Variants in DNMT3A observed in about 807,000 individuals in gnomAD.
DNMT3A encodes the protein DNA (cytosine-5)-methyltransferase 3A.
Under a neutral mutation model 117.6 loss-of-function variants are expected in DNMT3A, and 267 were observed. That is an observed-to-expected ratio of 2.27 (90% CI 2.05 to 2.51). The LOEUF (loss-of-function observed/expected upper bound fraction) is 2.51, where lower values mean the gene tolerates loss of function less well. DNMT3A is among the 30% of genes most tolerant of loss of function. The pLI, the probability that DNMT3A is intolerant of heterozygous loss-of-function variation, is 0.00. For synonymous variants in DNMT3A, 432 were observed against 474.8 expected (o/e 0.91, Z 1.17); for missense variants, 1,029 against 1,260.2 (o/e 0.82, Z 2.78).
intron 9 of DNMT3A, 135 bp from the exon 10 acceptor site, chr2:25,246,911 T>A: frequency 6.7e-7 from 1 of 1,490,272 alleles, no homozygotes; most frequent in Non-Finnish European, 9.1e-7. Context: ...GAGCGGGATG[T>A]GCATACGGGC....
At chr2:25,317,063 G>A (rs988381892) in intron 1 of DNMT3A, among the ~76,000 whole-genome samples, 1 of 152,090 alleles carries the variant, frequency 6.6e-6, no homozygotes, top group Non-Finnish European at 1.5e-5. Context: ...AACATTTTTT[G>A]TTTGTTTGTT....
rs1030881791 is a variant in DNMT3A at position 25,286,431 on chromosome 2, C to T, written c.178-3720G>A. ...ATTTCCAGCCCCGGGTTAGCTCACC[C>T]GCTGAAATCCCCACTCCCGCATCTG... On this transcript the variant is annotated intron_variant, in intron 3 of 22. Transcript: ENST00000321117. This position sits in a 1 kb window ranked among gnomAD's most constrained non-coding sequence, Gnocchi z 4.3. 6.6e-5 allele frequency among the ~76,000 whole-genome samples: 10 copies of T among 152,368 alleles called. No individual in the cohort carries two copies. The highest frequency in any genetic ancestry group is 2.6e-4 in the Admixed American group (4 of 15,308).
At chr2:25,338,594 C>T (rs1439712796) in intron 1 of DNMT3A, among the ~76,000 whole-genome samples, 1 of 152,212 alleles carries the variant, frequency 6.6e-6, no homozygotes, top group Non-Finnish European at 1.5e-5. Flanking sequence ...GCGCTCCCCT[C>T]GCTCAGCAGA....
chr2:25,245,410 C>A, intron 12 of DNMT3A, 78 bp from the exon 13 acceptor site: 2 of 1,363,030 alleles, frequency 1.5e-6, no homozygotes, highest in Admixed American at 1.9e-5. Context: ...CAGCACCAGA[C>A]CAGCCACAAA....
intron 1 of DNMT3A, among the ~76,000 whole-genome samples, chr2:25,335,211 C>G (rs888901729): frequency 2.0e-5 from 3 of 152,192 alleles, no homozygotes; most frequent in African/African-American, 7.2e-5. Context: ...CACCTTGTTT[C>G]AAAGGCTTTT....
At chr2:25,309,779 C>T (rs2034002501) in intron 2 of DNMT3A, among the ~76,000 whole-genome samples, 2 of 152,154 alleles carry the variant, frequency 1.3e-5, no homozygotes, top group South Asian at 2.1e-4. Context: ...ATAGGCCCGG[C>T]GTGGTGGCTC....
chr2:25,333,970 T>C (rs745901522), intron 1 of DNMT3A, among the ~76,000 whole-genome samples: 2 of 152,178 alleles, frequency 1.3e-5, no homozygotes, highest in Non-Finnish European at 2.9e-5. Context: ...GCCCTGCACA[T>C]CTGTCCCCTA....
chr2:25,236,808 G>A lies in DNMT3A; in HGVS notation c.2478+128C>T, dbSNP rs911639726. On this transcript the variant is annotated intron_variant, in intron 21 of 22. Coordinates refer to ENST00000321117, the MANE Select transcript of DNMT3A (RefSeq NM_022552.5). The surrounding 1 kb of genome is among the most constrained non-coding windows in gnomAD (Gnocchi z 4.5). Reference sequence around the variant, plus strand: ...CTGCCCTGCTGCATGACCCTGCACCGTCTCCTAAATTGCATTCTCCACACT... The same window carrying A: ...CTGCCCTGCTGCATGACCCTGCACCATCTCCTAAATTGCATTCTCCACACT... 38 of 992,968 alleles carry A rather than the reference G, an allele frequency of 3.8e-5. No homozygotes were observed. The East Asian group carries it at 6.4e-4, about 17-fold the overall frequency. The allele number at this position is 992,968 out of a possible 1,614,324, so 61.5% of individuals were successfully genotyped here. A position where few individuals can be genotyped will look rare whatever the true frequency, so the allele number is the denominator to read the frequency against.
Position 25,264,132 on chromosome 2 carries a change from GTT to G in DNMT3A, c.639+10807_639+10808del, listed in dbSNP as rs1175186554. On this transcript the variant is annotated intron_variant, in intron 6 of 22. Transcript: ENST00000321117. ...TCAGTAAAGGCTGGACAACCCTTTG[GTT>G]TTTTTTTTTTTTTTTTTTTTTTTGA... Among the ~76,000 whole-genome samples, 279 of 73,732 alleles carry G rather than the reference GTT, an allele frequency of 3.8e-3. 1 individual carries two copies. Among genetic ancestry groups the G allele is most frequent in the African/African-American group, 0.014 (254 of 18,100 alleles). 48.4% of individuals were successfully genotyped at this position (73,732 alleles called of 152,430 possible). A position where few individuals can be genotyped will look rare whatever the true frequency, so the allele number is the denominator to read the frequency against.
In DNMT3A at chr2:25,339,166, C is replaced by A. The variant is rs1324159773; in HGVS notation, c.-178+2660G>T. The stretch of plus-strand genomic sequence containing the variant: ...CTGCCATGTGCCGAAAAACAGACCA[C>A]CCTGTCCCCATTGCTAGGCCTGAAA... On this transcript the variant is annotated intron_variant, in intron 1 of 22. Coordinates refer to ENST00000321117, the MANE Select transcript of DNMT3A (RefSeq NM_022552.5). This position sits in a 1 kb window ranked among gnomAD's most constrained non-coding sequence, Gnocchi z 4.9. Among the ~76,000 whole-genome samples the A allele has an allele frequency of 6.6e-6, 1 of 152,082 alleles. No homozygotes were observed. The highest frequency in any genetic ancestry group is 1.5e-5 in the Non-Finnish European group (1 of 68,012).
chr2:25,248,660 G>A (rs545227478), intron 6 of DNMT3A, among the ~76,000 whole-genome samples: 76 of 152,096 alleles, frequency 5.0e-4, no homozygotes, highest in Non-Finnish European at 9.4e-4. Flanking sequence ...CGATTCGCCT[G>A]TCTCAGCCTC....
chr2:25,282,378 TC>T lies in DNMT3A; in HGVS notation c.448+62del, dbSNP rs1460444117. The T allele has an allele frequency of 6.4e-7, 1 of 1,569,080 alleles. No individual in the cohort carries two copies. The highest frequency in any genetic ancestry group is 1.4e-5 in the African/African-American group (1 of 73,900). On this transcript the variant is annotated intron_variant, in intron 4 of 22. Coordinates refer to ENST00000321117, the MANE Select transcript of DNMT3A (RefSeq NM_022552.5). The surrounding 1 kb of genome is among the most constrained non-coding windows in gnomAD (Gnocchi z 5.2). ...TCCTGGGACCTGCTGGAGAGCCAAG[TC>T]CCTGACTCTCAGGGTATGCTGGTGG...
intron 16 of DNMT3A, 104 bp downstream of exon 16, chr2:25,243,794 G>T (rs139114041): frequency 2.5e-5 from 30 of 1,210,130 alleles, no homozygotes; most frequent in African/African-American, 2.4e-4. Context: ...TATTTTAACA[G>T]CTGTGAAGCT....
intron 6 of DNMT3A, among the ~76,000 whole-genome samples, chr2:25,265,924 T>C (rs2030296858): frequency 6.6e-6 from 1 of 152,210 alleles, no homozygotes; most frequent in South Asian, 2.1e-4. Flanking sequence ...TCAGTGAAGT[T>C]CAACACCCTT....
rs1439976348 is a variant in DNMT3A, at chr2:25,246,268, C to T, written c.1321G>A (p.Val441Met). Residue 441 changes from valine to methionine, a missense_variant, in exon 11 of 23, where the codon GTG becomes ATG. Physicochemically the swap from Val to Met is conservative, Grantham distance 21 (BLOSUM62 1). Coordinates refer to ENST00000321117, the MANE Select transcript of DNMT3A (RefSeq NM_022552.5). ...PYKEVYTDMWVEPEAAAYAPP... is the reference protein window; with the variant it reads ...PYKEVYTDMWMEPEAAAYAPP... ...GCGTAGGCAGCTGCCTCAGGTTCCA[C>T]CCACATGTCCGTGTACACTTCTTTG... is the stretch of plus-strand genomic sequence containing the variant. 1.2e-6 allele frequency: 2 copies of T among 1,613,928 alleles called. No homozygotes were observed. The highest frequency in any genetic ancestry group is 1.7e-6 in the Non-Finnish European group (2 of 1,179,892).
Position 25,282,070 on chromosome 2 carries a change from A to G in DNMT3A, c.448+371T>C, listed in dbSNP as rs1044685578. The G allele has an allele frequency of 1.7e-6, 2 of 1,152,598 alleles. No individual in the cohort carries two copies. The highest frequency in any genetic ancestry group is 2.2e-6 in the Non-Finnish European group (2 of 922,894). The allele number at this position is 1,152,598 out of a possible 1,614,324, so 71.4% of individuals were successfully genotyped here. ...CTGCAGAAAACTAAGGCCCACAACC[A>G]GCCACAGAAGGCGATGGAGGGACCG... On this transcript the variant is annotated intron_variant, in intron 4 of 22. Coordinates refer to ENST00000321117, the MANE Select transcript of DNMT3A (RefSeq NM_022552.5). This position sits in a 1 kb window ranked among gnomAD's most constrained non-coding sequence, Gnocchi z 5.2.
rs1451514588 is a variant in DNMT3A at position 25,309,777 on chromosome 2, G to A, written c.72+4136C>T. Among the ~76,000 whole-genome samples the A allele has an allele frequency of 2.6e-5, 4 of 152,300 alleles. No individual in the cohort carries two copies. In the South Asian group the frequency reaches 6.2e-4, roughly 24 times the overall value. ...TGTAAGAATTAAATAAGATAGGCCC[G>A]GCGTGGTGGCTCACGCCTGTAATCC... On this transcript the variant is annotated intron_variant, in intron 2 of 22. Transcript: ENST00000321117.
rs1242837906 is a variant in DNMT3A at position 25,271,938 on chromosome 2, A to G, written c.639+3003T>C. 5.9e-5 allele frequency among the ~76,000 whole-genome samples: 9 copies of G among 152,190 alleles called. No homozygotes were observed. The East Asian group carries it at 1.3e-3, about 23-fold the overall frequency. ...GGTGATGGCAATGGGAGGTCGTTAC[A>G]CTACTCTCTGCTTCTGCATATGTTA... On this transcript the variant is annotated intron_variant, in intron 6 of 22. Transcript: ENST00000321117.
chr2:25,237,106 A>G lies in DNMT3A; in HGVS notation c.2409-101T>C. The G allele has an allele frequency of 5.0e-6, 6 of 1,191,286 alleles. 1 individual carries two copies. The highest frequency in any genetic ancestry group is 7.2e-6 in the Non-Finnish European group (6 of 829,464). The allele number at this position is 1,191,286 out of a possible 1,614,324, so 73.8% of individuals were successfully genotyped here. On this transcript the variant is annotated intron_variant, in intron 20 of 22. Coordinates refer to ENST00000321117, the MANE Select transcript of DNMT3A (RefSeq NM_022552.5). This position sits in a 1 kb window ranked among gnomAD's most constrained non-coding sequence, Gnocchi z 5.4. ...TCCCTCCCCCAGCAGCCACTAGTTC[A>G]CAGGGTAAGAGCCCCTTCCCCAAAT... is the stretch of plus-strand genomic sequence containing the variant.
Sources: gnomAD v4.1 joint callset for allele counts (sites outside exome capture counted in the v4.1 genomes callset) on GRCh38, gnomAD v4.1.1 for gene constraint, Gnocchi (gnomAD v3.1) non-coding constraint, MANE v1.5 for transcripts, NCBI Gene and HGNC (gene_info 2026-07-23, HGNC 2026-07-21) for gene names.